CCDC117: variants seen among roughly 807,000 people sequenced by gnomAD.
CCDC117 encodes coiled-coil domain containing 117, also known as coiled-coil domain-containing protein 117.
Under a neutral mutation model 23.5 loss-of-function variants are expected in CCDC117, and 1 was observed. The observed-to-expected ratio is 0.04, with a 90% confidence interval of 0.02 to 0.20. CCDC117 has a LOEUF of 0.20. Among genes scored for constraint, CCDC117 ranks in the 10% least tolerant of loss-of-function variants. The pLI is 1.00. For synonymous variants in CCDC117, 132 were observed against 124.8 expected (o/e 1.06, Z -0.39); for missense variants, 383 against 348.2 (o/e 1.10, Z -0.80).
rs2031562721 is a variant in CCDC117 at position 28,787,828 on chromosome 22, G to C, written c.*1502G>C. 1 of 152,214 alleles carries C rather than the reference G, an allele frequency of 6.6e-6. No homozygotes were observed. The highest frequency in any genetic ancestry group is 2.4e-5 in the African/African-American group (1 of 41,414). The allele number at this position is 152,214 out of a possible 1,614,324, so 9.4% of individuals were successfully genotyped here. ...CACAACAGGACACCACCCCAGTTTT[G>C]TTTTCTGGGTTTCTTCCCCCTTTGT... On this transcript the variant is annotated 3_prime_UTR_variant, in exon 5 of 5. Coordinates refer to ENST00000249064, the MANE Select transcript of CCDC117 (RefSeq NM_173510.4).
chr22:28,784,992 G>C (rs1476043241), intron 4 of CCDC117, among the ~76,000 whole-genome samples: 3 of 151,978 alleles, frequency 2.0e-5, no homozygotes, highest in African/African-American at 7.3e-5. Flanking sequence ...GGATGGTCTC[G>C]ATCTCCTGAC....
chr22:28,778,436 C>T (rs895656077), intron 2 of CCDC117, among the ~76,000 whole-genome samples: 4 of 152,032 alleles, frequency 2.6e-5, no homozygotes, highest in Non-Finnish European at 4.4e-5. Context: ...GGTGAAACCT[C>T]TTCTCTCTTA....
chr22:28,776,587 ATTTTT>A (rs113520265), intron 2 of CCDC117, among the ~76,000 whole-genome samples: 1 of 144,560 alleles, frequency 6.9e-6, no homozygotes, highest in African/African-American at 2.5e-5. Context: ...TGCCCAGCTA[ATTTTT>A]TTTTTTTTTG....
rs1456777239 is a variant in CCDC117 at position 28,788,171 on chromosome 22, A to G, written c.*1845A>G. On this transcript the variant is annotated 3_prime_UTR_variant, in exon 5 of 5. Coordinates refer to ENST00000249064, the MANE Select transcript of CCDC117 (RefSeq NM_173510.4). The stretch of plus-strand genomic sequence containing the variant: ...CCAGCTAATAGTTTCTTAATCTCAG[A>G]TTTCGAGATGAATGTAAACTGTATT... 2 of 152,666 alleles carry G rather than the reference A, an allele frequency of 1.3e-5. No individual in the cohort carries two copies. Among genetic ancestry groups the G allele is most frequent in the African/African-American group, 4.8e-5 (2 of 41,466 alleles). The allele number at this position is 152,666 out of a possible 1,614,324, so 9.5% of individuals were successfully genotyped here. A position where few individuals can be genotyped will look rare whatever the true frequency, so the allele number is the denominator to read the frequency against.
At chr22:28,774,073 T>TTTG (rs1379073485) in intron 2 of CCDC117, among the ~76,000 whole-genome samples, 1 of 145,550 alleles carries the variant, frequency 6.9e-6, no homozygotes, top group African/African-American at 2.7e-5. Context: ...TGTTTTTGTT[T>TTTG]TTTTTTTTTT....
chr22:28,783,175 G>A (rs1032867215), intron 3 of CCDC117, among the ~76,000 whole-genome samples: 2 of 151,944 alleles, frequency 1.3e-5, no homozygotes, highest in Admixed American at 6.6e-5. Flanking sequence ...CTGAGTAGCC[G>A]GATTACAGGC....
chr22:28,773,635 TGAGCAAGATTATTG>T, intron 1 of CCDC117, 76 bp from the exon 2 acceptor site: 6 of 1,040,330 alleles, frequency 5.8e-6, no homozygotes, highest in South Asian at 2.7e-5. Context: ...TATGTGGGGA[TGAGCAAGATTATTG>T]GAGCAAGAAA....
In CCDC117 at chr22:28,786,512, C is replaced by T. The variant is rs5762795; in HGVS notation, c.*186C>T. Reference sequence around the variant, plus strand: ...ATTGACTTCACCTTTTTGCCAAGGACGTTTGTCTCAAGGGAAAAGCAGTTT... The same window carrying T: ...ATTGACTTCACCTTTTTGCCAAGGATGTTTGTCTCAAGGGAAAAGCAGTTT... On this transcript the variant is annotated 3_prime_UTR_variant, in exon 5 of 5. Transcript: ENST00000249064. The T allele has an allele frequency of 5.4e-5, 30 of 552,600 alleles. No homozygotes were observed. The highest frequency in any genetic ancestry group is 4.8e-4 in the Admixed American group (14 of 28,886). 34.2% of individuals were successfully genotyped at this position (552,600 alleles called of 1,614,324 possible). A position where few individuals can be genotyped will look rare whatever the true frequency, so the allele number is the denominator to read the frequency against.
At chr22:28,783,127 C>T (rs867870920) in intron 3 of CCDC117, among the ~76,000 whole-genome samples, 6 of 152,114 alleles carry the variant, frequency 3.9e-5, no homozygotes, top group Admixed American at 6.5e-5. Flanking sequence ...CTGCAACCTC[C>T]GCCTCCCGGG....
intron 3 of CCDC117, 145 bp from the exon 4 acceptor site, chr22:28,783,363 G>T (rs935330942): frequency 4.3e-6 from 3 of 696,732 alleles, no homozygotes; most frequent in Non-Finnish European, 4.6e-6. Context: ...TTATACTCAG[G>T]TATAGCCTCA....
intron 2 of CCDC117, among the ~76,000 whole-genome samples, chr22:28,776,428 C>CT (rs201989433): frequency 1.0e-3 from 146 of 144,718 alleles, no homozygotes; most frequent in Middle Eastern, 3.5e-3. Flanking sequence ...TATATCTTTT[C>CT]TTTTTTTTTT....
intron 2 of CCDC117, among the ~76,000 whole-genome samples, chr22:28,778,007 G>A (rs371796471): frequency 1.8e-4 from 28 of 151,774 alleles, no homozygotes; most frequent in East Asian, 3.9e-4. Context: ...CACCACGCCC[G>A]GCAAATTTTT....
chr22:28,776,078 A>G (rs1363105977), intron 2 of CCDC117, among the ~76,000 whole-genome samples: 2 of 152,118 alleles, frequency 1.3e-5, no homozygotes, highest in African/African-American at 4.8e-5. Context: ...AGGAGTGTAA[A>G]TTGGGACCAT....
In CCDC117 at chr22:28,789,098, G is replaced by T. The variant is rs1366988512; in HGVS notation, c.*2772G>T. ...ATTTAGGAAAATAACTAAAGTAGGG[G>T]CTGGAACCATAAGAAGAATGTTTAT... On this transcript the variant is annotated 3_prime_UTR_variant, in exon 5 of 5. Coordinates refer to ENST00000249064, the MANE Select transcript of CCDC117 (RefSeq NM_173510.4). The T allele has an allele frequency of 6.7e-6, 1 of 149,708 alleles. No homozygotes were observed. Among genetic ancestry groups the T allele is most frequent in the Non-Finnish European group, 1.5e-5 (1 of 66,838 alleles). 9.3% of individuals were successfully genotyped at this position (149,708 alleles called of 1,614,324 possible). A position where few individuals can be genotyped will look rare whatever the true frequency, so the allele number is the denominator to read the frequency against.
chr22:28,784,786 G>C lies in CCDC117; in HGVS notation c.602+1141G>C, dbSNP rs138066616. Among the ~76,000 whole-genome samples the C allele has an allele frequency of 6.2e-3, 937 of 152,134 alleles. 11 individuals are homozygous for C. The highest frequency in any genetic ancestry group is 0.021 in the African/African-American group (875 of 41,514). ...TCTCGTTTTTTTTGTTGTTGTTGTT[G>C]TTGAGATGGAGTCTCGCTCTGTTGC... is the stretch of plus-strand genomic sequence containing the variant. On this transcript the variant is annotated intron_variant, in intron 4 of 4. Coordinates refer to ENST00000249064, the MANE Select transcript of CCDC117 (RefSeq NM_173510.4).
At chr22:28,785,960 G>A (rs1019243592) in intron 4 of CCDC117, 129 bp from the exon 5 acceptor site, 19 of 627,064 alleles carry the variant, frequency 3.0e-5, no homozygotes, top group South Asian at 1.7e-4. Context: ...AGATCAGTTT[G>A]TGTGTTCTAA....
chr22:28,788,804 G>A lies in CCDC117; in HGVS notation c.*2478G>A, dbSNP rs2146259362. On this transcript the variant is annotated 3_prime_UTR_variant, in exon 5 of 5. Coordinates refer to ENST00000249064, the MANE Select transcript of CCDC117 (RefSeq NM_173510.4). ...TGCTTTGCCTTAAGAGTTCCCTAGGGAGTTACCAGGGCTTTTCGTTTTGTG... is the reference window on the plus strand; with the variant it reads ...TGCTTTGCCTTAAGAGTTCCCTAGGAAGTTACCAGGGCTTTTCGTTTTGTG... 1 of 152,704 alleles carries A rather than the reference G, an allele frequency of 6.5e-6. No individual in the cohort carries two copies. 9.5% of individuals were successfully genotyped at this position (152,704 alleles called of 1,614,324 possible).
chr22:28,786,451 AT>A lies in CCDC117; in HGVS notation c.*128del. ...GGGTGTAATAATATCTCCACCTGTG[AT>A]TTGGGGGTGGGACTCTTATTTTGGG... is the stretch of plus-strand genomic sequence containing the variant. On this transcript the variant is annotated 3_prime_UTR_variant, in exon 5 of 5. Coordinates refer to ENST00000249064, the MANE Select transcript of CCDC117 (RefSeq NM_173510.4). 1 of 627,850 alleles carries A rather than the reference AT, an allele frequency of 1.6e-6. No homozygotes were observed. Among genetic ancestry groups the A allele is most frequent in the Non-Finnish European group, 2.7e-6 (1 of 374,568 alleles). The allele number at this position is 627,850 out of a possible 1,614,324, so 38.9% of individuals were successfully genotyped here. A position where few individuals can be genotyped will look rare whatever the true frequency, so the allele number is the denominator to read the frequency against.
chr22:28,775,550 G>A (rs184316660), intron 2 of CCDC117, among the ~76,000 whole-genome samples: 4 of 152,118 alleles, frequency 2.6e-5, no homozygotes, highest in South Asian at 2.1e-4. Context: ...TTTAAACTTC[G>A]GGATTGCTGC....
Sources: gnomAD v4.1 joint callset for allele counts (sites outside exome capture counted in the v4.1 genomes callset) on GRCh38, gnomAD v4.1.1 for gene constraint, MANE v1.5 for transcripts, NCBI Gene and HGNC (gene_info 2026-07-23, HGNC 2026-07-21) for gene names.